Variants in INTS2 observed in about 807,000 individuals in gnomAD.
The protein encoded by INTS2 is KIAA1287.
INTS2 carries 57 observed loss-of-function variants against 139.6 expected under a neutral mutation model. The ratio of observed to expected loss-of-function variants is 0.41; its 90% CI spans 0.33 to 0.51. The LOEUF is 0.51. Among genes scored for constraint, INTS2 ranks in the 20% least tolerant of loss-of-function variants. The pLI is 0.28. For missense variants in INTS2, 1,196 were observed against 1,436.7 expected, an observed-to-expected ratio of 0.83 and a Z score of 2.71; for synonymous variants, 473 against 493.4, an observed-to-expected ratio of 0.96 and a Z score of 0.55.
At chr17:61,877,231 T>TA (rs1011966631) in intron 18 of INTS2, among the ~76,000 whole-genome samples, 4 of 152,150 alleles carry the variant, frequency 2.6e-5, no homozygotes, top group African/African-American at 9.6e-5. Flanking sequence ...AATACCAGAA[T>TA]AAAAAGATAA....
chr17:61,910,570 T>C (rs1317026006), intron 7 of INTS2: 5 of 140,688 alleles, frequency 3.6e-5, no homozygotes, highest in Non-Finnish European at 7.5e-5. Flanking sequence ...CCAGCCTGGG[T>C]GACAGAGTGA....
At position 61,877,928 on chromosome 17, in the gene INTS2, G is replaced by A. The variant is rs778098760; in HGVS notation, c.2415C>T (p.Val805=). The A allele has an allele frequency of 4.3e-6, 7 of 1,613,672 alleles. No homozygotes were observed. The highest frequency in any genetic ancestry group is 5.9e-6 in the Non-Finnish European group (7 of 1,179,694). The change falls in exon 18 of 25, where the codon GTC becomes GTT. Residue 805 remains valine (V), a synonymous_variant. Coordinates refer to ENST00000251334, the MANE Select transcript of INTS2 (RefSeq NM_001351695.2). Reference sequence around the variant, plus strand: ...TATTAAGAACCATCCATAGTTTATTGACTGTTTGCAGAATTCTCCGTGGAA... The same window carrying A: ...TATTAAGAACCATCCATAGTTTATTAACTGTTTGCAGAATTCTCCGTGGAA... The part of the protein sequence containing the change: ...SGVPRRILQT[V]NKLWMVLNTV...
chr17:61,884,009 AAAAG>A (rs2079202421), intron 16 of INTS2, among the ~76,000 whole-genome samples: 1 of 151,822 alleles, frequency 6.6e-6, no homozygotes, highest in Non-Finnish European at 1.5e-5. Flanking sequence ...AAGAAAAAAA[AAAAG>A]AAAGAAAGAA....
intron 5 of INTS2, among the ~76,000 whole-genome samples, chr17:61,914,969 C>T (rs1225184431): frequency 1.3e-5 from 2 of 151,862 alleles, no homozygotes; most frequent in East Asian, 3.9e-4. Context: ...TTTGGAAGGC[C>T]GAGGAGGACA....
chr17:61,867,438 T>C lies in INTS2; in HGVS notation c.*119A>G. On this transcript the variant is annotated 3_prime_UTR_variant, in exon 25 of 25. Transcript: ENST00000251334. The surrounding 1 kb of genome is among the most constrained non-coding windows in gnomAD (Gnocchi z 5.6). ...AAACTATACTCATGTTGAATTGAAT[T>C]GTTTTAGTGATTCCAAGACAATACT... 1 of 570,030 alleles carries C rather than the reference T, an allele frequency of 1.8e-6. No homozygotes were observed. The highest frequency in any genetic ancestry group is 3.0e-6 in the Non-Finnish European group (1 of 333,504). 35.3% of individuals were successfully genotyped at this position (570,030 alleles called of 1,614,324 possible).
At position 61,869,857 on chromosome 17, in the gene INTS2, T is replaced by C; in HGVS notation, c.2910A>G (p.Gly970=). ...GCAAATTGTCTTCTCCTTCCTCCAT[T>C]CCCTTATTTGGAGCGCTGGTGGTAA... ...SVITTSAPNK[G]MEEGEDNLLC... is the part of the protein sequence containing the mutation. The change falls in exon 21 of 25, where the codon GGA becomes GGG. Residue 970 remains glycine (G), a synonymous_variant. Coordinates refer to ENST00000251334, the MANE Select transcript of INTS2 (RefSeq NM_001351695.2). The surrounding 1 kb of genome is among the most constrained non-coding windows in gnomAD (Gnocchi z 5.4). 6.2e-7 allele frequency: 1 copy of C among 1,613,938 alleles called. No homozygotes were observed. Among genetic ancestry groups the C allele is most frequent in the South Asian group, 1.1e-5 (1 of 91,070 alleles).
At chr17:61,924,304 T>C (rs1363592320) in intron 3 of INTS2, among the ~76,000 whole-genome samples, 4 of 152,208 alleles carry the variant, frequency 2.6e-5, no homozygotes, top group African/African-American at 9.7e-5. Context: ...CCCATAAAGG[T>C]ATTATCTGCT....
At chr17:61,889,726 A>G (rs2079269947) in intron 15 of INTS2, 60 bp downstream of exon 15, 1 of 809,602 alleles carries the variant, frequency 1.2e-6, no homozygotes. Flanking sequence ...TTGGAAAGTA[A>G]CAAAATACAA....
chr17:61,911,863 G>T, intron 6 of INTS2, 77 bp downstream of exon 6: 1 of 1,506,766 alleles, frequency 6.6e-7, no homozygotes. Flanking sequence ...ACCTCTACAG[G>T]ACTCTAAAAC....
intron 15 of INTS2, among the ~76,000 whole-genome samples, chr17:61,886,733 G>A (rs8069386): frequency 0.074 from 11,226 of 152,212 alleles, 1,393 homozygotes; most frequent in African/African-American, 0.25. Context: ...AGGAATATAT[G>A]AGAATCTCAA....
chr17:61,877,600 T>C (rs2145907583), intron 18 of INTS2, among the ~76,000 whole-genome samples: 3 of 152,324 alleles, frequency 2.0e-5, no homozygotes, highest in Admixed American at 2.0e-4. Context: ...ATCCAAGATA[T>C]AACAGTGATC....
intron 3 of INTS2, among the ~76,000 whole-genome samples, chr17:61,923,827 T>A (rs1441666001): frequency 1.3e-5 from 2 of 152,042 alleles, no homozygotes; most frequent in Non-Finnish European, 2.9e-5. Flanking sequence ...TAATTTTGTA[T>A]TTTTTAGTAG....
chr17:61,878,170 G>A (rs1480415789), intron 17 of INTS2, 82 bp from the exon 18 acceptor site: 1 of 806,834 alleles, frequency 1.2e-6, no homozygotes, highest in African/African-American at 1.7e-5. Flanking sequence ...TCAGACTATA[G>A]ACCAAACAAA....
chr17:61,926,787 C>T (rs976686074), intron 1 of INTS2, 125 bp from the exon 2 acceptor site: 1 of 758,814 alleles, frequency 1.3e-6, no homozygotes. Flanking sequence ...ATGTTCCTGG[C>T]ACAATCAAGA....
In INTS2 at chr17:61,875,970, A is replaced by G. The variant is rs2079123441; in HGVS notation, c.2457-932T>C. The stretch of plus-strand genomic sequence containing the variant: ...GTTCGCTTGAGCCCAGGAGTTCAAG[A>G]CTAGCCTGGGCAGCATAGTGAGACA... On this transcript the variant is annotated intron_variant, in intron 18 of 24. Coordinates refer to ENST00000251334, the MANE Select transcript of INTS2 (RefSeq NM_001351695.2). The surrounding 1 kb of genome is among the most constrained non-coding windows in gnomAD (Gnocchi z 4.6). Among the ~76,000 whole-genome samples the G allele has an allele frequency of 6.6e-6, 1 of 151,930 alleles. No individual in the cohort carries two copies. Among genetic ancestry groups the G allele is most frequent in the Admixed American group, 6.6e-5 (1 of 15,218 alleles).
intron 13 of INTS2, among the ~76,000 whole-genome samples, chr17:61,892,779 T>C (rs551449805): frequency 1.0e-3 from 154 of 149,366 alleles, no homozygotes; most frequent in Non-Finnish European, 1.8e-3. Flanking sequence ...ACCCTGTCTC[T>C]ACTAAAAATT....
At chr17:61,889,933 T>C in intron 14 of INTS2, 39 bp from the exon 15 acceptor site, 1 of 1,272,822 alleles carries the variant, frequency 7.9e-7, no homozygotes, top group South Asian at 1.3e-5. Context: ...ATACTCTGAA[T>C]TTCACGAGTG....
chr17:61,921,316 C>G (rs568300928), intron 4 of INTS2: 3 of 152,744 alleles, frequency 2.0e-5, no homozygotes, highest in African/African-American at 7.2e-5. Flanking sequence ...TGTACTCCAG[C>G]CTGAGCAACA....
In INTS2 at chr17:61,869,238, G is replaced by A. The variant is rs1366572710; in HGVS notation, c.3138+35C>T. The stretch of plus-strand genomic sequence containing the variant: ...TATAACTAGTAAGACTGGAGAGAGA[G>A]ATCAATTGTCCTAAAGCTCCAAAAT... On this transcript the variant is annotated intron_variant, in intron 22 of 24. Transcript: ENST00000251334. The surrounding 1 kb of genome is among the most constrained non-coding windows in gnomAD (Gnocchi z 5.4). 2.0e-6 allele frequency: 3 copies of A among 1,488,232 alleles called. No individual in the cohort carries two copies. The highest frequency in any genetic ancestry group is 1.4e-5 in the African/African-American group (1 of 72,080). 92.2% of individuals were successfully genotyped at this position (1,488,232 alleles called of 1,614,324 possible). A position where few individuals can be genotyped will look rare whatever the true frequency, so the allele number is the denominator to read the frequency against.
Sources: allele counts gnomAD v4.1 joint callset (sites outside exome capture counted in the v4.1 genomes callset), GRCh38; gene constraint gnomAD v4.1.1; non-coding constraint Gnocchi (gnomAD v3.1); transcripts MANE v1.5; gene names NCBI Gene and HGNC (gene_info 2026-07-23, HGNC 2026-07-21).